Variants in PTAR1 observed in about 807,000 individuals in gnomAD.
PTAR1 encodes the protein protein prenyltransferase alpha subunit repeat containing 1, also known as protein prenyltransferase alpha subunit repeat-containing protein 1.
In PTAR1, 17 loss-of-function variants were observed where a neutral mutation model predicts 45.5. The observed-to-expected ratio is 0.37, with a 90% CI of 0.26 to 0.56. The LOEUF is 0.56. PTAR1 is among the 20% of genes least tolerant of loss of function. PTAR1 has a pLI of 0.77. For missense variants in PTAR1, 391 were observed against 476.3 expected (o/e 0.82, Z 1.67); for synonymous variants, 169 against 171.3 (o/e 0.99, Z 0.11).
Position 69,759,989 on chromosome 9 carries a change from C to G in PTAR1, c.-51G>C. 6 of 1,392,640 alleles carry G rather than the reference C, an allele frequency of 4.3e-6. No homozygotes were observed. The highest frequency in any genetic ancestry group is 5.7e-6 in the Non-Finnish European group (6 of 1,060,962). 86.3% of individuals were successfully genotyped at this position (1,392,640 alleles called of 1,614,324 possible). On this transcript the variant is annotated 5_prime_UTR_variant, in exon 1 of 8. Coordinates refer to ENST00000340434, the MANE Select transcript of PTAR1 (RefSeq NM_001099666.2). Reference sequence around the variant, plus strand: ...GCGCGCCTCCGCGTGAGCCGGGCCGCCGGCGGGAGTTCCGCGGAGAACGAG... The same window carrying G: ...GCGCGCCTCCGCGTGAGCCGGGCCGGCGGCGGGAGTTCCGCGGAGAACGAG...
intron 1 of PTAR1, among the ~76,000 whole-genome samples, chr9:69,753,288 G>A (rs1485487049): frequency 6.6e-6 from 1 of 152,124 alleles, no homozygotes; most frequent in Non-Finnish European, 1.5e-5. Context: ...TTGACTGTCT[G>A]TTCTTTCAAG....
intron 1 of PTAR1, among the ~76,000 whole-genome samples, chr9:69,755,595 A>T (rs1464163009): frequency 6.6e-6 from 1 of 152,184 alleles, no homozygotes; most frequent in African/African-American, 2.4e-5. Flanking sequence ...GGAAATGGTA[A>T]AAACATTTTA....
intron 2 of PTAR1, among the ~76,000 whole-genome samples, chr9:69,743,615 G>T (rs1465896378): frequency 6.6e-6 from 1 of 152,062 alleles, no homozygotes; most frequent in African/African-American, 2.4e-5. Context: ...TGCCTATGAA[G>T]AATAATTAAC....
chr9:69,720,604 C>T (rs570138119), intron 6 of PTAR1, among the ~76,000 whole-genome samples: 82 of 152,254 alleles, frequency 5.4e-4, no homozygotes, highest in African/African-American at 1.9e-3. Flanking sequence ...AGATGAAATA[C>T]CCTTCTATTG....
chr9:69,736,659 T>C (rs1825803432), intron 3 of PTAR1, among the ~76,000 whole-genome samples: 1 of 152,184 alleles, frequency 6.6e-6, no homozygotes, highest in African/African-American at 2.4e-5. Context: ...TATTCCCATA[T>C]ATATCCATAT....
rs2134065501 is a variant in PTAR1, at chr9:69,716,116, A to T, written c.*2226T>A. Reference sequence around the variant, plus strand: ...TCATTTCCTGACATTTTTTCACATCAAAGCATAAGCCCTATTACTCAAAAT... The same window carrying T: ...TCATTTCCTGACATTTTTTCACATCTAAGCATAAGCCCTATTACTCAAAAT... On this transcript the variant is annotated 3_prime_UTR_variant, in exon 8 of 8. Coordinates refer to ENST00000340434, the MANE Select transcript of PTAR1 (RefSeq NM_001099666.2). The T allele has an allele frequency of 6.6e-6, 1 of 152,254 alleles. No homozygotes were observed. Among genetic ancestry groups the T allele is most frequent in the South Asian group, 2.1e-4 (1 of 4,826 alleles). The allele number at this position is 152,254 out of a possible 1,614,324, so 9.4% of individuals were successfully genotyped here.
intron 3 of PTAR1, among the ~76,000 whole-genome samples, chr9:69,738,456 T>C (rs746759975): frequency 1.3e-5 from 2 of 152,190 alleles, no homozygotes; most frequent in African/African-American, 2.4e-5. Flanking sequence ...ACAGAACATT[T>C]GTCTATTGTC....
At chr9:69,746,612 C>T (rs1310530163) in intron 2 of PTAR1, among the ~76,000 whole-genome samples, 2 of 152,212 alleles carry the variant, frequency 1.3e-5, no homozygotes, top group Non-Finnish European at 2.9e-5. Flanking sequence ...ACAGGTCTCT[C>T]TCCAAACAAC....
chr9:69,734,436 T>C (rs1404901385), intron 3 of PTAR1, among the ~76,000 whole-genome samples, 182 bp from the exon 4 acceptor site: 1 of 152,018 alleles, frequency 6.6e-6, no homozygotes, highest in Non-Finnish European at 1.5e-5. Context: ...AAATGTGACA[T>C]GCAGTAATCA....
rs147995684 is a variant in PTAR1, at chr9:69,742,723, C to T, written c.257-865G>A. ...CATGAGTGTACTTATGTCCCTATAACTGACCTATATATATTTTTAAAAATG... is the reference window on the plus strand; with the variant it reads ...CATGAGTGTACTTATGTCCCTATAATTGACCTATATATATTTTTAAAAATG... On this transcript the variant is annotated intron_variant, in intron 2 of 7. Transcript: ENST00000340434. Among the ~76,000 whole-genome samples the T allele has an allele frequency of 6.2e-4, 94 of 152,162 alleles. 1 individual carries two copies. The East Asian group carries it at 0.015, about 24-fold the overall frequency.
intron 3 of PTAR1, among the ~76,000 whole-genome samples, chr9:69,734,587 A>G (rs1272055955): frequency 2.6e-5 from 4 of 152,138 alleles, no homozygotes; most frequent in African/African-American, 9.7e-5. Context: ...CATTTCCAAA[A>G]GTTGTGAGAC....
chr9:69,759,837 G>T lies in PTAR1; in HGVS notation c.86+16C>A, dbSNP rs750010549. 14 of 1,515,672 alleles carry T rather than the reference G, an allele frequency of 9.2e-6. No individual in the cohort carries two copies. The highest frequency in any genetic ancestry group is 1.1e-5 in the Non-Finnish European group (13 of 1,130,962). 93.9% of individuals were successfully genotyped at this position (1,515,672 alleles called of 1,614,324 possible). On this transcript the variant is annotated intron_variant, in intron 1 of 7. Transcript: ENST00000340434. Reference sequence around the variant, plus strand: ...CTCCCGACGACCCTCGGAGGCGGCGGAGGCGCGCGACTCACATGTGTGGGT... The same window carrying T: ...CTCCCGACGACCCTCGGAGGCGGCGTAGGCGCGCGACTCACATGTGTGGGT...
intron 6 of PTAR1, among the ~76,000 whole-genome samples, chr9:69,720,652 TC>T (rs1824954624): frequency 6.6e-6 from 1 of 152,162 alleles, no homozygotes. Flanking sequence ...TAGAGAGAAA[TC>T]CATGCCTAGC....
chr9:69,735,527 C>T (rs990027558), intron 3 of PTAR1, among the ~76,000 whole-genome samples: 4 of 152,196 alleles, frequency 2.6e-5, no homozygotes, highest in African/African-American at 9.7e-5. Context: ...GCAGAACCTA[C>T]AGATACAGAG....
intron 1 of PTAR1, among the ~76,000 whole-genome samples, chr9:69,753,156 T>G (rs1826609220): frequency 6.6e-6 from 1 of 151,880 alleles, no homozygotes; most frequent in Non-Finnish European, 1.5e-5. Flanking sequence ...TTTTTAAACT[T>G]AAATTCACAA....
At chr9:69,720,058 T>G (rs1824920513) in intron 6 of PTAR1, among the ~76,000 whole-genome samples, 1 of 152,178 alleles carries the variant, frequency 6.6e-6, no homozygotes, top group Non-Finnish European at 1.5e-5. Flanking sequence ...CAATGACCTC[T>G]AAGTGTTCAA....
chr9:69,756,829 A>T (rs925900721), intron 1 of PTAR1, among the ~76,000 whole-genome samples: 8 of 152,192 alleles, frequency 5.3e-5, no homozygotes, highest in Non-Finnish European at 1.2e-4. Context: ...CTGTTCATGC[A>T]GTTAGTCTTA....
rs772936467 is a variant in PTAR1, at chr9:69,759,971, T to A, written c.-33A>T. ...GCGGCCGCGACAGTTCGGGCGCGCC[T>A]CCGCGTGAGCCGGGCCGCCGGCGGG... On this transcript the variant is annotated 5_prime_UTR_variant, in exon 1 of 8. Transcript: ENST00000340434. 8.3e-6 allele frequency: 12 copies of A among 1,442,594 alleles called. No individual in the cohort carries two copies. The South Asian group carries it at 1.5e-4, about 18-fold the overall frequency. The allele number at this position is 1,442,594 out of a possible 1,614,324, so 89.4% of individuals were successfully genotyped here.
In PTAR1 at chr9:69,713,847, A is replaced by C. The variant is rs780374260; in HGVS notation, c.*4495T>G. On this transcript the variant is annotated 3_prime_UTR_variant, in exon 8 of 8. Transcript: ENST00000340434. ...AATAATCAAAGCATCCTGCCTGCTTATATCAGTCTCTCACTGAAGGATAAA... is the reference window on the plus strand; with the variant it reads ...AATAATCAAAGCATCCTGCCTGCTTCTATCAGTCTCTCACTGAAGGATAAA... The C allele has an allele frequency of 1.5e-4, 23 of 152,156 alleles. No individual in the cohort carries two copies. The highest frequency in any genetic ancestry group is 3.1e-4 in the Non-Finnish European group (21 of 68,008). 9.4% of individuals were successfully genotyped at this position (152,156 alleles called of 1,614,324 possible). A position where few individuals can be genotyped will look rare whatever the true frequency, so the allele number is the denominator to read the frequency against.
Sources: allele counts gnomAD v4.1 joint callset (sites outside exome capture counted in the v4.1 genomes callset), GRCh38; gene constraint gnomAD v4.1.1; transcripts MANE v1.5; gene names NCBI Gene and HGNC (gene_info 2026-07-23, HGNC 2026-07-21).